TMEM132D: variants seen among roughly 807,000 people sequenced by gnomAD.
TMEM132D encodes transmembrane protein 132D.
In TMEM132D, 21 loss-of-function variants were observed where a neutral mutation model predicts 62.3. The observed-to-expected ratio is 0.34, with a 90% confidence interval of 0.24 to 0.49. The LOEUF (loss-of-function observed/expected upper bound fraction) is 0.49. TMEM132D is among the 20% of genes least tolerant of loss of function. The pLI is 0.99. For missense variants in TMEM132D, 1,346 were observed against 1,402.8 expected (o/e 0.96, Z 0.65); for synonymous variants, 621 against 575.6 (o/e 1.08, Z -1.13).
chr12:129,452,342 G>A lies in TMEM132D; in HGVS notation c.1115+78717C>T, dbSNP rs558860311. Among the ~76,000 whole-genome samples, 51 of 152,346 alleles carry A rather than the reference G, an allele frequency of 3.3e-4. 1 individual carries two copies. In the South Asian group the frequency reaches 0.01, roughly 31 times the overall value. On this transcript the variant is annotated intron_variant, in intron 3 of 8. Coordinates refer to ENST00000422113, the MANE Select transcript of TMEM132D (RefSeq NM_133448.3). ...GCAAACATTTCAAACTTACTTTCTA[G>A]TTGGTCAGTAAAACCTGGAAGCCAT...
At position 129,149,361 on chromosome 12, in the gene TMEM132D, T is replaced by C. The variant is rs552371917; in HGVS notation, c.1443+60159A>G. Among the ~76,000 whole-genome samples the C allele has an allele frequency of 2.0e-4, 30 of 152,202 alleles. 1 individual carries two copies. The highest frequency in any genetic ancestry group is 5.3e-4 in the African/African-American group (22 of 41,544). On this transcript the variant is annotated intron_variant, in intron 5 of 8. Transcript: ENST00000422113. ...TACACTTACGTAAAAAACCTGCACG[T>C]TCTGCACGTGTATCCCAGAACTTAA...
rs1047815736 is a variant in TMEM132D at position 129,588,310 on chromosome 12, C to T, written c.969-57105G>A. Among the ~76,000 whole-genome samples the T allele has an allele frequency of 5.3e-5, 8 of 152,320 alleles. No individual in the cohort carries two copies. The East Asian group carries it at 9.7e-4, about 18-fold the overall frequency. On this transcript the variant is annotated intron_variant, in intron 2 of 8. Coordinates refer to ENST00000422113, the MANE Select transcript of TMEM132D (RefSeq NM_133448.3). ...TTCAGCCCTCACAGAGGACTGAGCT[C>T]GCTGGCTAACCAGCATGACTCACTT...
chr12:129,194,075 C>G (rs1412762290), intron 5 of TMEM132D, among the ~76,000 whole-genome samples: 2 of 152,204 alleles, frequency 1.3e-5, no homozygotes, highest in Non-Finnish European at 2.9e-5. Context: ...CTTTCATTAC[C>G]TACCCAGTAC....
At chr12:129,109,365 G>A (rs1300070699) in intron 5 of TMEM132D, among the ~76,000 whole-genome samples, 2 of 152,148 alleles carry the variant, frequency 1.3e-5, no homozygotes, top group Non-Finnish European at 2.9e-5. Flanking sequence ...AAATGGGGAT[G>A]GTGATCATGG....
At chr12:129,821,648 C>A (rs1872544970) in intron 1 of TMEM132D, among the ~76,000 whole-genome samples, 2 of 151,906 alleles carry the variant, frequency 1.3e-5, no homozygotes, top group South Asian at 4.2e-4. Context: ...AAGTGCCAAT[C>A]AAAACGTGCA....
At chr12:129,648,700 A>C (rs533131576) in intron 2 of TMEM132D, among the ~76,000 whole-genome samples, 2 of 152,334 alleles carry the variant, frequency 1.3e-5, no homozygotes, top group South Asian at 4.1e-4. Flanking sequence ...TATTGGCAAC[A>C]AATCACCAAA....
intron 7 of TMEM132D, among the ~76,000 whole-genome samples, chr12:129,081,255 A>G (rs1593253196): frequency 6.6e-6 from 1 of 152,316 alleles, no homozygotes; most frequent in African/African-American, 2.4e-5. Flanking sequence ...CCTATAAGTA[A>G]TATGTGAGGA....
rs557949968 is a variant in TMEM132D, at chr12:129,122,010, G to A, written c.1444-37308C>T. On this transcript the variant is annotated intron_variant, in intron 5 of 8. Transcript: ENST00000422113. The stretch of plus-strand genomic sequence containing the variant: ...GATGGCAGGCTCATGGAAGCCCGCC[G>A]ATTCTGGCCCTGTTCTTCCGAGGCA... Among the ~76,000 whole-genome samples the A allele has an allele frequency of 5.9e-5, 9 of 152,266 alleles. No individual in the cohort carries two copies. In the East Asian group the frequency reaches 9.7e-4, roughly 16 times the overall value.
At chr12:129,525,226 GTTTTTTTTTTT>G (rs765569025) in intron 3 of TMEM132D, among the ~76,000 whole-genome samples, 30 of 67,398 alleles carry the variant, frequency 4.5e-4, no homozygotes, top group Admixed American at 1.9e-3. Context: ...TGCCCAGCCG[GTTTTTTTTTTT>G]TTTTTTTTTT....
intron 3 of TMEM132D, among the ~76,000 whole-genome samples, chr12:129,434,511 C>A (rs1381823552): frequency 6.6e-6 from 1 of 152,152 alleles, no homozygotes; most frequent in East Asian, 1.9e-4. Context: ...AGCCTGACAA[C>A]AGATGGCATG....
At chr12:129,162,084 T>C (rs1489331373) in intron 5 of TMEM132D, among the ~76,000 whole-genome samples, 3 of 152,174 alleles carry the variant, frequency 2.0e-5, no homozygotes, top group Non-Finnish European at 4.4e-5. Flanking sequence ...CCCCCCTCAA[T>C]TCCCTATGTT....
chr12:129,732,164 C>T (rs1385904191), intron 1 of TMEM132D, among the ~76,000 whole-genome samples: 1 of 152,112 alleles, frequency 6.6e-6, no homozygotes, highest in African/African-American at 2.4e-5. Context: ...CAGCCACTTG[C>T]CCTTCCTCAG....
intron 2 of TMEM132D, among the ~76,000 whole-genome samples, chr12:129,667,857 G>T (rs1478010132): frequency 1.3e-5 from 2 of 151,874 alleles, no homozygotes; most frequent in African/African-American, 2.4e-5. Context: ...ATTCTAATAC[G>T]ACTTAGTCTA....
At chr12:129,577,435 T>C (rs951768741) in intron 2 of TMEM132D, among the ~76,000 whole-genome samples, 1 of 148,364 alleles carries the variant, frequency 6.7e-6, no homozygotes, top group Non-Finnish European at 1.5e-5. Context: ...TATATATCTA[T>C]ATTTATATAA....
chr12:129,274,715 T>C (rs1485768388), intron 4 of TMEM132D, among the ~76,000 whole-genome samples: 1 of 151,786 alleles, frequency 6.6e-6, no homozygotes, highest in Non-Finnish European at 1.5e-5. Flanking sequence ...TGAAACCCCG[T>C]CTCTACTAAA....
intron 1 of TMEM132D, among the ~76,000 whole-genome samples, chr12:129,887,615 A>G (rs576764538): frequency 1.3e-5 from 2 of 152,254 alleles, no homozygotes; most frequent in South Asian, 4.1e-4. Context: ...AATAATAATA[A>G]TAATAGTTTC....
At chr12:129,477,883 C>CAGAG (rs928793852) in intron 3 of TMEM132D, among the ~76,000 whole-genome samples, 1 of 150,700 alleles carries the variant, frequency 6.6e-6, no homozygotes, top group Non-Finnish European at 1.5e-5. Context: ...GAGAGAGAGA[C>CAGAG]AGAGAGAGAG....
intron 1 of TMEM132D, among the ~76,000 whole-genome samples, chr12:129,805,590 T>C (rs933516672): frequency 2.1e-4 from 32 of 151,984 alleles, no homozygotes; most frequent in Non-Finnish European, 4.4e-4. Flanking sequence ...ATAAAAACCC[T>C]AGAAGAAAAC....
intron 4 of TMEM132D, among the ~76,000 whole-genome samples, chr12:129,240,421 A>C (rs1048512271): frequency 2.0e-5 from 3 of 152,318 alleles, no homozygotes; most frequent in Non-Finnish European, 4.4e-5. Flanking sequence ...AGGCTGACGT[A>C]GCTGAAATAC....
Sources: gnomAD v4.1 joint callset for allele counts (sites outside exome capture counted in the v4.1 genomes callset) on GRCh38, gnomAD v4.1.1 for gene constraint, MANE v1.5 for transcripts, NCBI Gene and HGNC (gene_info 2026-07-23, HGNC 2026-07-21) for gene names.